Variants in CLTRN observed in about 807,000 individuals in gnomAD.
The protein encoded by CLTRN is collectrin, amino acid transport regulator.
A neutral mutation model predicts 14.5 loss-of-function variants in CLTRN; 12 were observed. The ratio of observed to expected loss-of-function variants is 0.83; its 90% CI spans 0.53 to 1.34. CLTRN has a LOEUF of 1.34. Among genes scored for constraint, CLTRN ranks in the 40% most tolerant of loss-of-function variants. The pLI, the probability that CLTRN is intolerant of heterozygous loss-of-function variation, is 0.00. For synonymous variants in CLTRN, 58 were observed against 56.5 expected (o/e 1.03, Z -0.12); for missense variants, 154 against 165.1 (o/e 0.93, Z 0.37).
At chrX:15,658,484 A>G (rs1929425833) in intron 3 of CLTRN, among the ~76,000 whole-genome samples, 1 of 112,280 alleles carries the variant, frequency 8.9e-6, no homozygotes, top group South Asian at 3.6e-4. Flanking sequence ...ATAGAGAAAG[A>G]CCAGGAATGT....
chrX:15,657,026 T>C (rs1380315233), intron 3 of CLTRN, among the ~76,000 whole-genome samples: 1 of 106,996 alleles, frequency 9.3e-6, no homozygotes, highest in African/African-American at 3.4e-5. Flanking sequence ...TGAGACAGAG[T>C]CTCACTCTGT....
intron 5 of CLTRN, among the ~76,000 whole-genome samples, chrX:15,629,587 G>A (rs1030355505): frequency 1.8e-5 from 2 of 110,765 alleles, no homozygotes; most frequent in Admixed American, 9.7e-5. Context: ...GAAGAAAAGA[G>A]AAAGCTCTTT....
chrX:15,658,653 C>T (rs1929428706), intron 3 of CLTRN, among the ~76,000 whole-genome samples: 1 of 110,288 alleles, frequency 9.1e-6, no homozygotes, highest in Non-Finnish European at 1.9e-5. Flanking sequence ...AACTTATACA[C>T]ACTTAGGTTA....
upstream of CLTRN, chrX:15,675,637 T>C (rs1217795923): frequency 1.8e-5 from 2 of 112,057 alleles, no homozygotes; most frequent in African/African-American, 6.5e-5. Flanking sequence ...GGGGACAGAA[T>C]GGGGACTGAT....
At chrX:15,670,862 A>G (rs1929703477) in intron 1 of CLTRN, among the ~76,000 whole-genome samples, 1 of 107,204 alleles carries the variant, frequency 9.3e-6, no homozygotes. Context: ...GGAAGAACAG[A>G]AGAAAAAAGG....
chrX:15,660,503 T>C (rs1235317297), intron 2 of CLTRN, among the ~76,000 whole-genome samples: 1 of 110,208 alleles, frequency 9.1e-6, no homozygotes, highest in East Asian at 2.8e-4. Context: ...TGCTGTAAGA[T>C]GTTACCATAA....
At chrX:15,669,443 G>C (rs1929677358), upstream of CLTRN, among the ~76,000 whole-genome samples, 1 of 112,119 alleles carries the variant, frequency 8.9e-6, no homozygotes, top group Non-Finnish European at 1.9e-5. Context: ...AGAGCATGTA[G>C]ATTTAAAAGT....
At chrX:15,628,970 A>G (rs754230492) in intron 5 of CLTRN, among the ~76,000 whole-genome samples, 1 of 111,813 alleles carries the variant, frequency 8.9e-6, no homozygotes, top group Admixed American at 9.5e-5. Context: ...TCTTTTGTGA[A>G]AGACTAAAAC....
In CLTRN at chrX:15,632,785, G is replaced by A. The variant is rs759680052; in HGVS notation, c.513-4658C>T. ...TGTAGTCCCAGCTACTCGGGAGGCC[G>A]AGGCAGGAGAATGGTGTGAACCCGG... On this transcript the variant is annotated intron_variant, in intron 5 of 5. Transcript: ENST00000380342. Among the ~76,000 whole-genome samples, 5 of 105,104 alleles carry A rather than the reference G, an allele frequency of 4.8e-5. No individual in the cohort carries two copies. The South Asian group carries it at 1.8e-3, about 37-fold the overall frequency. The allele number at this position is 105,104 out of a possible 115,157, so 91.3% of individuals were successfully genotyped here.
intron 1 of CLTRN, among the ~76,000 whole-genome samples, chrX:15,674,265 G>A: frequency 8.9e-6 from 1 of 112,009 alleles, no homozygotes. Flanking sequence ...GTAAAAAAGC[G>A]TAATCTTGGA....
At chrX:15,659,367 C>T (rs1245549190) in intron 2 of CLTRN, among the ~76,000 whole-genome samples, 1 of 111,668 alleles carries the variant, frequency 9.0e-6, no homozygotes, top group East Asian at 2.8e-4. Flanking sequence ...ACCCAGCCAA[C>T]AAATAGGGCA....
chrX:15,647,806 A>G (rs1460460375), intron 3 of CLTRN, among the ~76,000 whole-genome samples: 2 of 58,830 alleles, frequency 3.4e-5, no homozygotes, highest in Non-Finnish European at 6.6e-5. Flanking sequence ...ATACATATCA[A>G]AGACGTAGGG....
At chrX:15,645,490 G>A (rs1460531898) in intron 3 of CLTRN, among the ~76,000 whole-genome samples, 1 of 111,763 alleles carries the variant, frequency 8.9e-6, no homozygotes, top group Non-Finnish European at 1.9e-5. Context: ...TGCATCTACT[G>A]TCTCTCTTCC....
rs1180351298 is a variant in CLTRN at position 15,657,001 on chromosome X, AT to A, written c.203+2014del. On this transcript the variant is annotated intron_variant, in intron 3 of 5. Coordinates refer to ENST00000380342, the MANE Select transcript of CLTRN (RefSeq NM_020665.6). ...ACCCGACATATATCCTGTGTACCCA[AT>A]TTTTTTTTTTTTTTGAGACAGAGTC... Among the ~76,000 whole-genome samples, 702 of 101,278 alleles carry A rather than the reference AT, an allele frequency of 6.9e-3. 5 individuals are homozygous for A. The highest frequency in any genetic ancestry group is 0.025 in the Middle Eastern group (5 of 200). The allele number at this position is 101,278 out of a possible 115,157, so 87.9% of individuals were successfully genotyped here. A position where few individuals can be genotyped will look rare whatever the true frequency, so the allele number is the denominator to read the frequency against.
Position 15,627,749 on chromosome X carries a change from G to C in CLTRN, c.*222C>G, listed in dbSNP as rs1928597082. 3.7e-6 allele frequency: 1 copy of C among 269,981 alleles called. No individual in the cohort carries two copies. Among genetic ancestry groups the C allele is most frequent in the African/African-American group, 2.8e-5 (1 of 35,815 alleles). 22.2% of individuals were successfully genotyped at this position (269,981 alleles called of 1,213,427 possible). A position where few individuals can be genotyped will look rare whatever the true frequency, so the allele number is the denominator to read the frequency against. ...CATGACCACATTTATACACTATACT[G>C]TCAGAAAAATATTTTAGAATATTTT... On this transcript the variant is annotated 3_prime_UTR_variant, in exon 6 of 6. Transcript: ENST00000380342.
intron 5 of CLTRN, among the ~76,000 whole-genome samples, chrX:15,633,799 G>C (rs146634166): frequency 0.018 from 2,005 of 112,144 alleles, 42 homozygotes; most frequent in African/African-American, 0.061. Flanking sequence ...GGGAGCATTA[G>C]CTAGGGTTCT....
chrX:15,656,543 G>A (rs1929368087), intron 3 of CLTRN, among the ~76,000 whole-genome samples: 1 of 111,377 alleles, frequency 9.0e-6, no homozygotes, highest in South Asian at 3.8e-4. Context: ...AGGAATATTT[G>A]CCACACTCCT....
At chrX:15,671,033 T>C (rs1016166351) in intron 1 of CLTRN, among the ~76,000 whole-genome samples, 17 of 110,662 alleles carry the variant, frequency 1.5e-4, no homozygotes, top group Admixed American at 1.1e-3. Context: ...CTTCAGTTTA[T>C]GATTCAAATT....
At chrX:15,660,667 C>T (rs922979027) in intron 2 of CLTRN, among the ~76,000 whole-genome samples, 7 of 107,832 alleles carry the variant, frequency 6.5e-5, no homozygotes, top group African/African-American at 1.7e-4. Flanking sequence ...ATCAGCCAGG[C>T]GTGGTGGCAT....
Sources: gnomAD v4.1 joint callset for allele counts (sites outside exome capture counted in the v4.1 genomes callset) on GRCh38, gnomAD v4.1.1 for gene constraint, MANE v1.5 for transcripts, NCBI Gene and HGNC (gene_info 2026-07-23, HGNC 2026-07-21) for gene names.